KCNMA1: variants seen among roughly 807,000 people sequenced by gnomAD.
KCNMA1 encodes Calcium-activated potassium channel subunit alpha-1.
KCNMA1 carries 29 observed loss-of-function variants against 140.0 expected under a neutral mutation model. The observed-to-expected ratio is 0.21, with a 90% CI of 0.15 to 0.28. The LOEUF is 0.28. Among genes scored for constraint, KCNMA1 ranks in the 10% least tolerant of loss-of-function variants. The pLI, the probability that KCNMA1 is intolerant of heterozygous loss-of-function variation, is 1.00. For missense variants in KCNMA1, 880 were observed against 1,602.2 expected, an observed-to-expected ratio of 0.55 and a Z score of 7.70; for synonymous variants, 612 against 611.9, an observed-to-expected ratio of 1.00 and a Z score of 0.00.
At chr10:77,455,675 A>G (rs1275624435) in intron 1 of KCNMA1, among the ~76,000 whole-genome samples, 3 of 152,108 alleles carry the variant, frequency 2.0e-5, no homozygotes, top group East Asian at 1.9e-4. Flanking sequence ...TCTCTTCCCC[A>G]TGAATCACCT....
intron 3 of KCNMA1, among the ~76,000 whole-genome samples, chr10:77,239,449 G>A (rs550091131): frequency 3.3e-5 from 5 of 152,288 alleles, no homozygotes; most frequent in African/African-American, 1.2e-4. Flanking sequence ...CTGCATGGGT[G>A]TGATGAGCAA....
At chr10:77,603,469 T>C (rs2083366054) in intron 1 of KCNMA1, among the ~76,000 whole-genome samples, 1 of 152,190 alleles carries the variant, frequency 6.6e-6, no homozygotes, top group Admixed American at 6.5e-5. Context: ...GGGAGACAGG[T>C]TCTGTGTCCC....
chr10:77,307,790 C>T (rs373007962), intron 2 of KCNMA1, among the ~76,000 whole-genome samples: 1 of 152,150 alleles, frequency 6.6e-6, no homozygotes, highest in East Asian at 1.9e-4. Context: ...ACCTCGTGAT[C>T]CACCCTCCTC....
At chr10:77,598,001 T>A (rs1484163343) in intron 1 of KCNMA1, among the ~76,000 whole-genome samples, 1 of 152,258 alleles carries the variant, frequency 6.6e-6, no homozygotes, top group Non-Finnish European at 1.5e-5. Flanking sequence ...AGACTGAGTC[T>A]CACTTTGCCA....
chr10:77,496,786 C>A (rs995052731), intron 1 of KCNMA1, among the ~76,000 whole-genome samples: 4 of 151,920 alleles, frequency 2.6e-5, no homozygotes, highest in Non-Finnish European at 5.9e-5. Context: ...GTGTGTTGAC[C>A]AGGACACAGC....
chr10:77,301,457 CTT>C (rs1450121097), intron 2 of KCNMA1, among the ~76,000 whole-genome samples: 1 of 152,108 alleles, frequency 6.6e-6, no homozygotes, highest in Admixed American at 6.5e-5. Context: ...TTTCTCAAAA[CTT>C]TTAAGTAAAT....
intron 14 of KCNMA1, among the ~76,000 whole-genome samples, chr10:77,068,183 T>C (rs1289331031): frequency 6.6e-6 from 1 of 152,208 alleles, no homozygotes; most frequent in Non-Finnish European, 1.5e-5. Context: ...TAGTGACAAG[T>C]TTGGGTATGG....
intron 1 of KCNMA1, among the ~76,000 whole-genome samples, chr10:77,608,769 T>A (rs770721440): frequency 5.3e-5 from 8 of 152,142 alleles, no homozygotes; most frequent in Non-Finnish European, 8.8e-5. Flanking sequence ...AACATCTCTA[T>A]CAAAAAGAAC....
At chr10:77,145,360 C>A (rs1269291017) in intron 5 of KCNMA1, among the ~76,000 whole-genome samples, 1 of 152,202 alleles carries the variant, frequency 6.6e-6, no homozygotes, top group Non-Finnish European at 1.5e-5. Context: ...AAAGAGAATT[C>A]TATGCAAACG....
intron 5 of KCNMA1, among the ~76,000 whole-genome samples, chr10:77,160,835 T>C (rs1179911829): frequency 6.6e-6 from 1 of 152,236 alleles, no homozygotes; most frequent in Admixed American, 6.5e-5. Flanking sequence ...GGCCACTCCT[T>C]CCATATGTTA....
At chr10:76,986,695 G>A (rs2081354175) in intron 19 of KCNMA1, among the ~76,000 whole-genome samples, 1 of 152,202 alleles carries the variant, frequency 6.6e-6, no homozygotes, top group Non-Finnish European at 1.5e-5. Flanking sequence ...AATTAAAGGT[G>A]CACACCCTGC....
chr10:76,945,372 T>A (rs920273241), intron 22 of KCNMA1, among the ~76,000 whole-genome samples: 4 of 152,146 alleles, frequency 2.6e-5, no homozygotes, highest in African/African-American at 7.2e-5. Flanking sequence ...GGGTTTCAAA[T>A]GCCTGTTTAT....
intron 9 of KCNMA1, among the ~76,000 whole-genome samples, chr10:77,095,465 G>A (rs564220558): frequency 6.6e-6 from 1 of 152,286 alleles, no homozygotes; most frequent in South Asian, 2.1e-4. Flanking sequence ...TTCATCCAGT[G>A]TGAGCAAGTA....
intron 2 of KCNMA1, among the ~76,000 whole-genome samples, chr10:77,300,599 C>G (rs953683788): frequency 1.3e-5 from 2 of 152,216 alleles, no homozygotes; most frequent in Non-Finnish European, 2.9e-5. Flanking sequence ...TCCTCCAAAA[C>G]AGCAGGTATT....
chr10:77,362,808 C>T (rs1442956346), intron 2 of KCNMA1, among the ~76,000 whole-genome samples: 5 of 152,284 alleles, frequency 3.3e-5, no homozygotes, highest in South Asian at 2.1e-4. Context: ...CTTCACGGAC[C>T]GCTTGCTTAT....
chr10:77,587,076 C>CCTGATCTTGT (rs1227709921), intron 1 of KCNMA1: 1 of 152,224 alleles, frequency 6.6e-6, no homozygotes, highest in Non-Finnish European at 1.5e-5. Context: ...CCTGGACACA[C>CCTGATCTTGT]CTGATCTTGT....
At chr10:77,009,760 G>T (rs780164962) in intron 18 of KCNMA1, among the ~76,000 whole-genome samples, 1 of 151,848 alleles carries the variant, frequency 6.6e-6, no homozygotes, top group African/African-American at 2.4e-5. Flanking sequence ...ACCTTTGCTC[G>T]TCTCCCTATC....
chr10:77,464,031 C>T (rs768375881), intron 1 of KCNMA1, among the ~76,000 whole-genome samples: 1 of 152,104 alleles, frequency 6.6e-6, no homozygotes, highest in African/African-American at 2.4e-5. Flanking sequence ...CTAGACCTCC[C>T]GAATATACAT....
intron 16 of KCNMA1, among the ~76,000 whole-genome samples, chr10:77,025,983 T>C (rs1236914064): frequency 3.4e-5 from 3 of 87,408 alleles, no homozygotes; most frequent in African/African-American, 5.1e-5. Flanking sequence ...TTTGCCCTTT[T>C]CTGAAGAAAA....
Sources: allele counts gnomAD v4.1 joint callset (sites outside exome capture counted in the v4.1 genomes callset), GRCh38; gene constraint gnomAD v4.1.1; transcripts MANE v1.5; gene names NCBI Gene and HGNC (gene_info 2026-07-23, HGNC 2026-07-21).